GGA1: variants seen among roughly 807,000 people sequenced by gnomAD.
GGA1 encodes the protein golgi associated, gamma adaptin ear containing, ARF binding protein 1.
A neutral mutation model predicts 76.9 loss-of-function variants in GGA1; 18 were observed. That is an observed-to-expected ratio of 0.23 (90% CI 0.16 to 0.35). The LOEUF is 0.35. Ranked by LOEUF, GGA1 falls within the 10% of genes least tolerant of loss-of-function variation. The pLI, the probability that GGA1 is intolerant of heterozygous loss-of-function variation, is 1.00. For missense variants in GGA1, 755 were observed against 859.0 expected, an observed-to-expected ratio of 0.88 and a Z score of 1.51; for synonymous variants, 342 against 354.7, an observed-to-expected ratio of 0.96 and a Z score of 0.40.
intron 11 of GGA1, among the ~76,000 whole-genome samples, chr22:37,627,744 A>G (rs1555885347): frequency 6.6e-6 from 1 of 152,188 alleles, no homozygotes; most frequent in Non-Finnish European, 1.5e-5. Flanking sequence ...TTTTCCTCTC[A>G]GAGGCAAAGC....
chr22:37,616,854 G>T, intron 2 of GGA1, 68 bp from the exon 3 acceptor site: 2 of 1,473,000 alleles, frequency 1.4e-6, no homozygotes, highest in Non-Finnish European at 1.8e-6. Context: ...CCAGCGGCCT[G>T]GGGTCGTGGC....
intron 11 of GGA1, among the ~76,000 whole-genome samples, chr22:37,628,876 G>A (rs149564616): frequency 3.5e-4 from 53 of 152,296 alleles, no homozygotes; most frequent in African/African-American, 9.9e-4. Context: ...CCTTCCCATC[G>A]GCAGCTAGTT....
At chr22:37,626,143 G>A (rs534855571) in intron 11 of GGA1, 194 bp downstream of exon 11, 7 of 419,060 alleles carry the variant, frequency 1.7e-5, no homozygotes, top group South Asian at 8.6e-5. Flanking sequence ...GAGGCCACAC[G>A]GCCAGAGGGT....
rs1318941669 is a variant in GGA1 at position 37,623,035 on chromosome 22, T to C, written c.610-292T>C. ...GAACCACAGTGGAGGTCTAGGGCCC[T>C]GGGCCTTCAGAAGCACCTGGTGAGG... On this transcript the variant is annotated intron_variant, in intron 7 of 16. Coordinates refer to ENST00000343632, the MANE Select transcript of GGA1 (RefSeq NM_013365.5). This position sits in a 1 kb window ranked among gnomAD's most constrained non-coding sequence, Gnocchi z 4.6. 6.6e-6 allele frequency among the ~76,000 whole-genome samples: 1 copy of C among 152,248 alleles called. No individual in the cohort carries two copies. The highest frequency in any genetic ancestry group is 1.5e-5 in the Non-Finnish European group (1 of 68,036).
intron 11 of GGA1, chr22:37,626,193 C>T: frequency 2.7e-6 from 1 of 372,838 alleles, no homozygotes; most frequent in Non-Finnish European, 4.8e-6. Context: ...ATAAGCTAAC[C>T]AGCATTCAGG....
At position 37,608,854 on chromosome 22, in the gene GGA1, G is replaced by C; in HGVS notation, c.-7G>C. ...GGGGCGGTGCCGAGGCTGGGGGCCG[G>C]TGGCGGATGGAGCCCGCGATGGAGC... On this transcript the variant is annotated 5_prime_UTR_variant, in exon 1 of 17. Coordinates refer to ENST00000343632, the MANE Select transcript of GGA1 (RefSeq NM_013365.5). 7.6e-7 allele frequency: 1 copy of C among 1,308,182 alleles called. No homozygotes were observed. The highest frequency in any genetic ancestry group is 3.1e-5 in the East Asian group (1 of 31,868). The allele number at this position is 1,308,182 out of a possible 1,614,324, so 81.0% of individuals were successfully genotyped here. A position where few individuals can be genotyped will look rare whatever the true frequency, so the allele number is the denominator to read the frequency against.
intron 2 of GGA1, among the ~76,000 whole-genome samples, chr22:37,616,083 C>G (rs1164977375): frequency 6.6e-6 from 1 of 152,090 alleles, no homozygotes; most frequent in Non-Finnish European, 1.5e-5. Context: ...ACCTCATGAT[C>G]CACCTGCCTC....
Position 37,625,930 on chromosome 22 carries a change from C to T in GGA1, c.1074C>T (p.Asp358=), listed in dbSNP as rs545430077. The T allele has an allele frequency of 2.2e-4, 352 of 1,596,714 alleles. 8 individuals are homozygous for T. The South Asian group carries it at 3.6e-3, about 16-fold the overall frequency. ...CCAGTGCCTCAGTTTCCCTGCTTGA[C>T]GACGAGCTCATGTCTCTGGGTGAGG... is the stretch of plus-strand genomic sequence containing the variant. ...EQPSASVSLL[D]DELMSLGLSD... The change falls in exon 11 of 17, where the codon GAC becomes GAT. Residue 358 remains aspartate, a synonymous_variant. Transcript: ENST00000343632. The surrounding 1 kb of genome is among the most constrained non-coding windows in gnomAD (Gnocchi z 4.1).
rs942269027 is a variant in GGA1 at position 37,625,480 on chromosome 22, G to A, written c.941-317G>A. Among the ~76,000 whole-genome samples the A allele has an allele frequency of 6.6e-6, 1 of 152,120 alleles. No individual in the cohort carries two copies. The highest frequency in any genetic ancestry group is 6.5e-5 in the Admixed American group (1 of 15,280). ...CCTTGGGGGGTCACAAAAGGGGTTA[G>A]AATTGGTTCTGTTAGGGAGAAGTGG... On this transcript the variant is annotated intron_variant, in intron 10 of 16. Transcript: ENST00000343632. The surrounding 1 kb of genome is among the most constrained non-coding windows in gnomAD (Gnocchi z 4.1).
chr22:37,618,838 G>A (rs923269189), intron 4 of GGA1, among the ~76,000 whole-genome samples: 8 of 152,184 alleles, frequency 5.3e-5, no homozygotes, highest in Non-Finnish European at 1.0e-4. Flanking sequence ...TACATAAGCT[G>A]ACAGATGGCT....
rs1412692346 is a variant in GGA1 at position 37,608,858 on chromosome 22, C to A, written c.-3C>A. 2 of 1,305,636 alleles carry A rather than the reference C, an allele frequency of 1.5e-6. No individual in the cohort carries two copies. The highest frequency in any genetic ancestry group is 1.9e-6 in the Non-Finnish European group (2 of 1,028,544). The allele number at this position is 1,305,636 out of a possible 1,614,324, so 80.9% of individuals were successfully genotyped here. A position where few individuals can be genotyped will look rare whatever the true frequency, so the allele number is the denominator to read the frequency against. On this transcript the variant is annotated 5_prime_UTR_variant, in exon 1 of 17. Coordinates refer to ENST00000343632, the MANE Select transcript of GGA1 (RefSeq NM_013365.5). ...CGGTGCCGAGGCTGGGGGCCGGTGG[C>A]GGATGGAGCCCGCGATGGAGCCGGA... is the stretch of plus-strand genomic sequence containing the variant.
chr22:37,633,019 T>TG lies in GGA1; in HGVS notation c.*309dup, dbSNP rs2146021169. On this transcript the variant is annotated 3_prime_UTR_variant, in exon 17 of 17. Coordinates refer to ENST00000343632, the MANE Select transcript of GGA1 (RefSeq NM_013365.5). ...TTGGGTCATGGGGAGGAAGCACAGC[T>TG]GTTGGGGAAGGGCCAGGACCTCAGG... The TG allele has an allele frequency of 5.4e-6, 2 of 368,506 alleles. No individual in the cohort carries two copies. Among genetic ancestry groups the TG allele is most frequent in the East Asian group, 1.0e-4 (2 of 19,236 alleles). The allele number at this position is 368,506 out of a possible 1,614,324, so 22.8% of individuals were successfully genotyped here. A position where few individuals can be genotyped will look rare whatever the true frequency, so the allele number is the denominator to read the frequency against.
In GGA1 at chr22:37,625,010, A is replaced by G. The variant is rs1317231077; in HGVS notation, c.874A>G (p.Asn292Asp). Residue 292 changes from asparagine (N) to aspartate (D), a missense_variant, in exon 10 of 17, where the codon AAC becomes GAC. Transcript: ENST00000343632. This position sits in a 1 kb window ranked among gnomAD's most constrained non-coding sequence, Gnocchi z 4.1. ...QANDNLTQVI[N>D]LYKQLVRGEE... Reference sequence around the variant, plus strand: ...CAATGACAACCTCACCCAGGTGATCAACCTGTATAAGCAGCTGGTGCGGGG... The same window carrying G: ...CAATGACAACCTCACCCAGGTGATCGACCTGTATAAGCAGCTGGTGCGGGG... 1.2e-6 allele frequency: 2 copies of G among 1,601,362 alleles called. No individual in the cohort carries two copies. Among genetic ancestry groups the G allele is most frequent in the South Asian group, 2.2e-5 (2 of 88,890 alleles).
chr22:37,609,361 G>A, intron 1 of GGA1: 1 of 1,097,320 alleles, frequency 9.1e-7, no homozygotes, highest in Non-Finnish European at 1.1e-6. Context: ...GAGCCCGCAA[G>A]TAGTCACATT....
rs1932152437 is a variant in GGA1 at position 37,633,456 on chromosome 22, C to T, written c.*745C>T. Reference sequence around the variant, plus strand: ...CATTCATTGGCCTCTGCTGGGGCCTCCTATGGGTGTCTTACGTCTGTCCAT... The same window carrying T: ...CATTCATTGGCCTCTGCTGGGGCCTTCTATGGGTGTCTTACGTCTGTCCAT... On this transcript the variant is annotated 3_prime_UTR_variant, in exon 17 of 17. Transcript: ENST00000343632. 1 of 152,148 alleles carries T rather than the reference C, an allele frequency of 6.6e-6. No individual in the cohort carries two copies. Among genetic ancestry groups the T allele is most frequent in the Non-Finnish European group, 1.5e-5 (1 of 68,054 alleles). 9.4% of individuals were successfully genotyped at this position (152,148 alleles called of 1,614,324 possible).
chr22:37,623,547 C>T lies in GGA1; in HGVS notation c.751-5C>T. ...ACCCTGACCCGCCCATCCTGCTGCCCTCAGGAACTGTACCAGCGCTGTGAG... is the reference window on the plus strand; with the variant it reads ...ACCCTGACCCGCCCATCCTGCTGCCTTCAGGAACTGTACCAGCGCTGTGAG... On this transcript the variant is annotated splice_polypyrimidine_tract_variant and splice_region_variant and intron_variant, in intron 8 of 16. Transcript: ENST00000343632. This position sits in a 1 kb window ranked among gnomAD's most constrained non-coding sequence, Gnocchi z 4.6. 1 of 1,612,790 alleles carries T rather than the reference C, an allele frequency of 6.2e-7. No individual in the cohort carries two copies. The highest frequency in any genetic ancestry group is 1.1e-5 in the South Asian group (1 of 91,042).
At chr22:37,618,834 A>G (rs1408634025) in intron 4 of GGA1, among the ~76,000 whole-genome samples, 1 of 152,208 alleles carries the variant, frequency 6.6e-6, no homozygotes, top group East Asian at 1.9e-4. Context: ...GGAATACATA[A>G]GCTGACAGAT....
In GGA1 at chr22:37,620,869, C is replaced by A. The variant is rs765720787; in HGVS notation, c.484C>A (p.Pro162Thr). Residue 162 changes from proline to threonine, a missense_variant, in exon 6 of 17, where the codon CCA becomes ACA. Transcript: ENST00000343632. ...PDDTTFPLPP[P>T]RPKNVIFEDE... ...TGACACTACCTTTCCCCTTCCTCCT[C>A]CACGGCCGAAGAATGTGATCTTTGA... 3.7e-5 allele frequency: 59 copies of A among 1,612,548 alleles called. No individual in the cohort carries two copies. The highest frequency in any genetic ancestry group is 5.0e-5 in the Non-Finnish European group (59 of 1,178,660).
Position 37,608,845 on chromosome 22 carries a change from TG to T in GGA1, c.-11del, listed in dbSNP as rs1172925230. 5.9e-6 allele frequency: 7 copies of T among 1,192,208 alleles called. No homozygotes were observed. Among genetic ancestry groups the T allele is most frequent in the South Asian group, 2.4e-5 (1 of 42,336 alleles). 73.9% of individuals were successfully genotyped at this position (1,192,208 alleles called of 1,614,324 possible). ...GGGGGCGGGGGGGCGGTGCCGAGGC[TG>T]GGGGCCGGTGGCGGATGGAGCCCGC... On this transcript the variant is annotated 5_prime_UTR_variant, in exon 1 of 17. Coordinates refer to ENST00000343632, the MANE Select transcript of GGA1 (RefSeq NM_013365.5).
Sources: allele counts gnomAD v4.1 joint callset (sites outside exome capture counted in the v4.1 genomes callset), GRCh38; gene constraint gnomAD v4.1.1; non-coding constraint Gnocchi (gnomAD v3.1); transcripts MANE v1.5; gene names NCBI Gene and HGNC (gene_info 2026-07-23, HGNC 2026-07-21).